RBFOX1: variants seen among roughly 807,000 people sequenced by gnomAD.
RBFOX1 encodes the protein RNA binding protein fox-1 homolog 1.
A neutral mutation model predicts 57.7 loss-of-function variants in RBFOX1; 8 were observed. The observed-to-expected ratio is 0.14, with a 90% CI of 0.08 to 0.25. The LOEUF (loss-of-function observed/expected upper bound fraction) is 0.25, where lower values mean the gene tolerates loss of function less well. RBFOX1 is among the 10% of genes least tolerant of loss of function. RBFOX1 has a pLI of 1.00. For missense variants in RBFOX1, 611 were observed against 548.5 expected (o/e 1.11, Z -1.14); for synonymous variants, 326 against 222.4 (o/e 1.47, Z -4.15).
At chr16:7,341,184 G>C (rs1443735020) in intron 4 of RBFOX1, among the ~76,000 whole-genome samples, 3 of 152,140 alleles carry the variant, frequency 2.0e-5, no homozygotes. Flanking sequence ...CAAGGAGCCA[G>C]CATGTTCACT....
At chr16:6,995,786 A>G (rs2092162456) in intron 3 of RBFOX1, among the ~76,000 whole-genome samples, 1 of 152,082 alleles carries the variant, frequency 6.6e-6, no homozygotes. Flanking sequence ...AAAAACAAAA[A>G]AAGGGAAAGG....
intron 2 of RBFOX1, among the ~76,000 whole-genome samples, chr16:5,558,038 G>T: frequency 6.6e-6 from 1 of 152,160 alleles, no homozygotes; most frequent in Non-Finnish European, 1.5e-5. Context: ...GGGGAGGACT[G>T]CCTTCCCACT....
At chr16:6,681,498 G>C (rs908786325) in intron 3 of RBFOX1, among the ~76,000 whole-genome samples, 1 of 133,916 alleles carries the variant, frequency 7.5e-6, no homozygotes, top group Non-Finnish European at 1.6e-5. Flanking sequence ...TGATCAATTA[G>C]TGATGTTGTC....
intron 3 of RBFOX1, among the ~76,000 whole-genome samples, chr16:5,805,494 G>A (rs189025668): frequency 2.6e-5 from 4 of 152,306 alleles, no homozygotes; most frequent in Admixed American, 1.3e-4. Context: ...CAAAATGTAA[G>A]CTTCTATGTG....
At chr16:6,636,824 T>C (rs2098439046) in intron 2 of RBFOX1, among the ~76,000 whole-genome samples, 1 of 38,856 alleles carries the variant, frequency 2.6e-5, no homozygotes, top group South Asian at 1.4e-3. Context: ...ATATATAATA[T>C]ATGTTATATA....
chr16:7,268,830 A>G (rs995874290), intron 4 of RBFOX1, among the ~76,000 whole-genome samples: 14 of 151,950 alleles, frequency 9.2e-5, no homozygotes, highest in Admixed American at 7.9e-4. Flanking sequence ...CGAGGTCAGG[A>G]GTTCGATACC....
chr16:7,595,143 GTTTTA>G (rs1346568391), intron 7 of RBFOX1, among the ~76,000 whole-genome samples: 1 of 152,162 alleles, frequency 6.6e-6, no homozygotes, highest in African/African-American at 2.4e-5. Flanking sequence ...TCGTGCACAC[GTTTTA>G]TTTTATTTTA....
intron 1 of RBFOX1, among the ~76,000 whole-genome samples, chr16:5,353,648 G>A (rs946318766): frequency 6.6e-6 from 1 of 151,608 alleles, no homozygotes; most frequent in East Asian, 1.9e-4. Flanking sequence ...TATTAAGGGA[G>A]ACATATTTTA....
intron 3 of RBFOX1, among the ~76,000 whole-genome samples, chr16:6,939,336 A>G (rs2077926056): frequency 6.6e-6 from 1 of 152,042 alleles, no homozygotes; most frequent in African/African-American, 2.4e-5. Flanking sequence ...AGAGTCACAA[A>G]TAATATATAA....
chr16:5,511,074 G>GA (rs1001198931), intron 2 of RBFOX1, among the ~76,000 whole-genome samples: 9 of 151,930 alleles, frequency 5.9e-5, no homozygotes, highest in East Asian at 3.9e-4. Context: ...AATTGGCCGT[G>GA]AAAAAAAACA....
At chr16:7,637,577 G>A (rs78156222) in intron 11 of RBFOX1, among the ~76,000 whole-genome samples, 2,318 of 152,168 alleles carry the variant, frequency 0.015, 60 homozygotes, top group African/African-American at 0.052. Context: ...ATTAATTTAC[G>A]GCTTCCTTTT....
intron 10 of RBFOX1, 112 bp from the exon 11 acceptor site, chr16:7,630,491 G>C: frequency 6.5e-7 from 1 of 1,542,884 alleles, no homozygotes; most frequent in Non-Finnish European, 8.7e-7. Context: ...CCTGCGCTCT[G>C]GGATGTGGCT....
intron 3 of RBFOX1, among the ~76,000 whole-genome samples, chr16:6,895,391 G>A (rs1279404257): frequency 1.4e-5 from 2 of 144,572 alleles, no homozygotes; most frequent in African/African-American, 5.1e-5. Context: ...CTCTTCGTCT[G>A]CCTCAGCCAC....
chr16:7,491,334 G>T (rs916046601), intron 4 of RBFOX1, among the ~76,000 whole-genome samples: 1 of 149,906 alleles, frequency 6.7e-6, no homozygotes, highest in Non-Finnish European at 1.5e-5. Flanking sequence ...CTTGTTTTTG[G>T]CCTTGATTTG....
chr16:7,177,667 C>A (rs943709865), intron 4 of RBFOX1, among the ~76,000 whole-genome samples: 1 of 152,064 alleles, frequency 6.6e-6, no homozygotes, highest in Admixed American at 6.6e-5. Context: ...GGAGGTAGGG[C>A]ACTTCCACAA....
rs557783595 is a variant in RBFOX1 at position 7,039,755 on chromosome 16, A to G, written c.-15-12302A>G. On this transcript the variant is annotated intron_variant, in intron 3 of 15. Transcript: ENST00000550418. Reference sequence around the variant, plus strand: ...TGATTACAACCATACGTCGGATTATAGGACTGTATTATGTTCAAAGATTTC... The same window carrying G: ...TGATTACAACCATACGTCGGATTATGGGACTGTATTATGTTCAAAGATTTC... Among the ~76,000 whole-genome samples, 13 of 152,322 alleles carry G rather than the reference A, an allele frequency of 8.5e-5. No homozygotes were observed. The South Asian group carries it at 2.1e-3, about 24-fold the overall frequency.
chr16:5,445,803 C>G (rs1304989741), intron 1 of RBFOX1, among the ~76,000 whole-genome samples: 1 of 152,230 alleles, frequency 6.6e-6, no homozygotes, highest in Non-Finnish European at 1.5e-5. Context: ...AACATGCTGA[C>G]CCATACTATA....
intron 3 of RBFOX1, among the ~76,000 whole-genome samples, chr16:7,020,279 G>T (rs551131158): frequency 2.0e-5 from 3 of 151,990 alleles, no homozygotes; most frequent in African/African-American, 7.2e-5. Flanking sequence ...AGGCTGGAGT[G>T]CAGAGGCACA....
chr16:5,254,871 G>A (rs190804600), intron 1 of RBFOX1, among the ~76,000 whole-genome samples: 1 of 152,170 alleles, frequency 6.6e-6, no homozygotes, highest in Non-Finnish European at 1.5e-5. Flanking sequence ...ATGTGTAGGT[G>A]GAGCGAAGAG....
Sources: allele counts gnomAD v4.1 joint callset (sites outside exome capture counted in the v4.1 genomes callset), GRCh38; gene constraint gnomAD v4.1.1; transcripts MANE v1.5; gene names NCBI Gene and HGNC (gene_info 2026-07-23, HGNC 2026-07-21).